The following LIMCH1 variants were observed in gnomAD, a reference collection of about 807,000 sequenced individuals.
LIMCH1 encodes LIM and calponin homology domains 1, also known as LIM and calponin homology domains-containing protein 1.
Under a neutral mutation model 176.5 loss-of-function variants are expected in LIMCH1, and 113 were observed. The observed-to-expected ratio is 0.64, with a 90% confidence interval of 0.55 to 0.75. The LOEUF is 0.75. Ranked by LOEUF, LIMCH1 falls within the 30% of genes least tolerant of loss-of-function variation. LIMCH1 has a pLI of 0.00. For missense variants in LIMCH1, 1,674 were observed against 1,814.9 expected, an observed-to-expected ratio of 0.92 and a Z score of 1.41; for synonymous variants, 619 against 645.9, an observed-to-expected ratio of 0.96 and a Z score of 0.63.
At chr4:41,635,775 C>T (rs1316984435) in intron 13 of LIMCH1, among the ~76,000 whole-genome samples, 2 of 152,198 alleles carry the variant, frequency 1.3e-5, no homozygotes, top group Non-Finnish European at 2.9e-5. Flanking sequence ...TAAGCTAACG[C>T]TAGTTCATGA....
chr4:41,387,768 A>C (rs1455413493), intron 1 of LIMCH1, among the ~76,000 whole-genome samples: 1 of 152,238 alleles, frequency 6.6e-6, no homozygotes, highest in African/African-American at 2.4e-5. Context: ...ACATTTGGCA[A>C]CTATTTCACA....
At chr4:41,436,120 T>C (rs1473492569) in intron 1 of LIMCH1, among the ~76,000 whole-genome samples, 2 of 152,214 alleles carry the variant, frequency 1.3e-5, no homozygotes, top group Non-Finnish European at 2.9e-5. Flanking sequence ...AAACCTTGTT[T>C]TTCTATTAAA....
At chr4:41,588,014 C>G (rs1180320329) in intron 1 of LIMCH1, among the ~76,000 whole-genome samples, 1 of 151,732 alleles carries the variant, frequency 6.6e-6, no homozygotes, top group South Asian at 2.1e-4. Context: ...ATACATGTGC[C>G]ATGCTGGTGT....
At chr4:41,440,578 G>A (rs989802436) in intron 1 of LIMCH1, among the ~76,000 whole-genome samples, 1 of 152,052 alleles carries the variant, frequency 6.6e-6, no homozygotes, top group African/African-American at 2.4e-5. Flanking sequence ...TGGCTCCCAG[G>A]CTGGAGTGCA....
chr4:41,663,784 A>G (rs2094715339), intron 20 of LIMCH1, among the ~76,000 whole-genome samples: 1 of 149,400 alleles, frequency 6.7e-6, no homozygotes, highest in Admixed American at 6.8e-5. Context: ...TTGGGAGGCC[A>G]GGGCAGGAGG....
At chr4:41,484,654 G>C (rs1018348566) in intron 1 of LIMCH1, among the ~76,000 whole-genome samples, 3 of 152,040 alleles carry the variant, frequency 2.0e-5, no homozygotes, top group African/African-American at 7.2e-5. Context: ...AGGAAATCAC[G>C]GTCTTCTGAA....
chr4:41,591,455 G>T (rs2087550082), intron 1 of LIMCH1, among the ~76,000 whole-genome samples: 1 of 152,064 alleles, frequency 6.6e-6, no homozygotes, highest in Non-Finnish European at 1.5e-5. Context: ...TCTTGCCCAG[G>T]CTGGTCTTGA....
At chr4:41,594,742 T>A (rs1415566123) in intron 1 of LIMCH1, among the ~76,000 whole-genome samples, 5 of 152,114 alleles carry the variant, frequency 3.3e-5, no homozygotes, top group African/African-American at 1.2e-4. Context: ...AGCTTTTGTG[T>A]TTGCAGGCTG....
At chr4:41,579,413 G>A (rs1252604252) in intron 1 of LIMCH1, among the ~76,000 whole-genome samples, 1 of 152,168 alleles carries the variant, frequency 6.6e-6, no homozygotes. Context: ...ACAATAGCTT[G>A]TTGCACCCTT....
intron 8 of LIMCH1, 87 bp from the exon 9 acceptor site, chr4:41,629,405 G>GT (rs2093179322): frequency 4.8e-6 from 7 of 1,449,296 alleles, no homozygotes; most frequent in Non-Finnish European, 6.5e-6. Flanking sequence ...CAGCCTGTGA[G>GT]TTTCCATGCT....
At chr4:41,374,966 C>T (rs140257640) in intron 1 of LIMCH1, among the ~76,000 whole-genome samples, 4 of 152,278 alleles carry the variant, frequency 2.6e-5, no homozygotes, top group Non-Finnish European at 5.9e-5. Flanking sequence ...TTAGCCTAAG[C>T]CAATCAGACT....
At chr4:41,517,830 T>TTTCATTTAAC (rs2075741253) in intron 2 of LIMCH1, among the ~76,000 whole-genome samples, 2 of 151,720 alleles carry the variant, frequency 1.3e-5, no homozygotes, top group South Asian at 4.2e-4. Flanking sequence ...TGAAAGTGCA[T>TTTCATTTAAC]ATACTTTCAT....
intron 4 of LIMCH1, chr4:41,613,017 C>G (rs1257476857): frequency 6.4e-7 from 1 of 1,551,850 alleles, no homozygotes; most frequent in Admixed American, 2.0e-5. Flanking sequence ...ATAGTATAAA[C>G]AGGAGCAAAA....
chr4:41,571,340 C>A (rs1584284779), intron 1 of LIMCH1, among the ~76,000 whole-genome samples: 2 of 152,090 alleles, frequency 1.3e-5, no homozygotes, highest in Admixed American at 6.6e-5. Flanking sequence ...GGAGAGACTT[C>A]TTTTGTCCTC....
intron 18 of LIMCH1, among the ~76,000 whole-genome samples, chr4:41,652,841 C>A (rs149272237): frequency 2.1e-4 from 32 of 152,278 alleles, no homozygotes; most frequent in African/African-American, 5.8e-4. Context: ...TCAGGACTTT[C>A]TTCCTAGAAA....
At chr4:41,636,565 G>T (rs73810296) in intron 13 of LIMCH1, among the ~76,000 whole-genome samples, 1 of 151,750 alleles carries the variant, frequency 6.6e-6, no homozygotes, top group Non-Finnish European at 1.5e-5. Context: ...CGGAAACTGG[G>T]CTATTCTTTT....
intron 1 of LIMCH1, among the ~76,000 whole-genome samples, chr4:41,478,362 T>C (rs1486775913): frequency 3.3e-5 from 5 of 152,362 alleles, no homozygotes; most frequent in Middle Eastern, 3.4e-3. Flanking sequence ...TTCTTTATAG[T>C]TGTGTTGCCC....
At chr4:41,415,716 GCCTGTAATC>G (rs1405382090) in intron 1 of LIMCH1, among the ~76,000 whole-genome samples, 1 of 152,182 alleles carries the variant, frequency 6.6e-6, no homozygotes, top group Non-Finnish European at 1.5e-5. Context: ...GGTGGCTCAC[GCCTGTAATC>G]CCAGCACTTT....
At chr4:41,430,972 G>A (rs1561349341) in intron 1 of LIMCH1, among the ~76,000 whole-genome samples, 1 of 152,020 alleles carries the variant, frequency 6.6e-6, no homozygotes, top group Non-Finnish European at 1.5e-5. Context: ...TAGCAATTCT[G>A]CACAATGCAC....
Sources: allele counts gnomAD v4.1 joint callset (sites outside exome capture counted in the v4.1 genomes callset), GRCh38; gene constraint gnomAD v4.1.1; transcripts MANE v1.5; gene names NCBI Gene and HGNC (gene_info 2026-07-23, HGNC 2026-07-21).